COX16: variants seen among roughly 807,000 people sequenced by gnomAD.
COX16 encodes the protein cytochrome c oxidase assembly factor COX16, also known as cytochrome c oxidase assembly protein COX16 homolog, mitochondrial.
A neutral mutation model predicts 15.4 loss-of-function variants in COX16; 12 were observed. That is an observed-to-expected ratio of 0.78 (90% CI 0.50 to 1.26). The LOEUF (loss-of-function observed/expected upper bound fraction) is 1.26. Ranked by LOEUF, COX16 falls within the 50% of genes most tolerant of loss-of-function variation. The pLI, the probability that COX16 is intolerant of heterozygous loss-of-function variation, is 0.00. For synonymous variants in COX16, 46 were observed against 41.1 expected (o/e 1.12, Z -0.46); for missense variants, 124 against 127.6 (o/e 0.97, Z 0.14).
intron 2 of COX16, among the ~76,000 whole-genome samples, 188 bp from the exon 3 acceptor site, chr14:70,329,424 A>G (rs747644789): frequency 8.5e-5 from 13 of 152,120 alleles, no homozygotes; most frequent in Non-Finnish European, 1.6e-4. Context: ...TCAACTAAAA[A>G]GAGTTAATAT....
intron 1 of COX16, among the ~76,000 whole-genome samples, chr14:70,355,283 C>T (rs2140760775): frequency 6.6e-6 from 1 of 152,142 alleles, no homozygotes; most frequent in South Asian, 2.1e-4. Flanking sequence ...ATCACACTCT[C>T]CTCCTCTTCC....
chr14:70,330,330 CA>C (rs1481269777), intron 2 of COX16, among the ~76,000 whole-genome samples: 13 of 152,074 alleles, frequency 8.5e-5, no homozygotes, highest in Non-Finnish European at 1.2e-4. Flanking sequence ...GACAAAGGCA[CA>C]ATAGACAACC....
chr14:70,351,189 G>A (rs1886942903), intron 1 of COX16, among the ~76,000 whole-genome samples: 1 of 152,046 alleles, frequency 6.6e-6, no homozygotes. Flanking sequence ...TATAACCACT[G>A]TTTCCAACTT....
intron 1 of COX16, among the ~76,000 whole-genome samples, chr14:70,354,846 G>GTGTGTGTGTT (rs1358322206): frequency 6.6e-6 from 1 of 151,426 alleles, no homozygotes; most frequent in East Asian, 1.9e-4. Flanking sequence ...GTGTGCGTGT[G>GTGTGTGTGTT]TGTGTGTGTG....
At chr14:70,340,897 T>C (rs1456390877) in intron 2 of COX16, among the ~76,000 whole-genome samples, 1 of 152,208 alleles carries the variant, frequency 6.6e-6, no homozygotes, top group African/African-American at 2.4e-5. Flanking sequence ...TATACACCTC[T>C]CCTTGAACGT....
chr14:70,339,293 CTA>C (rs1414253202), intron 2 of COX16, among the ~76,000 whole-genome samples: 1 of 152,122 alleles, frequency 6.6e-6, no homozygotes, highest in African/African-American at 2.4e-5. Flanking sequence ...AGCAGATAAA[CTA>C]TTCCAAATCA....
At chr14:70,353,536 CAG>C (rs1259623826) in intron 1 of COX16, among the ~76,000 whole-genome samples, 4 of 151,330 alleles carry the variant, frequency 2.6e-5, no homozygotes, top group African/African-American at 9.7e-5. Context: ...TTGTGTGTGG[CAG>C]AGTCTTGCAT....
chr14:70,346,803 C>T (rs55728800), intron 1 of COX16, among the ~76,000 whole-genome samples: 29,277 of 151,920 alleles, frequency 0.19, 3,648 homozygotes, highest in East Asian at 0.62. Flanking sequence ...GCCACCCCTC[C>T]ACTTTTCTGC....
intron 1 of COX16, among the ~76,000 whole-genome samples, chr14:70,353,257 CAAA>C (rs200170156): frequency 7.9e-6 from 1 of 126,288 alleles, no homozygotes; most frequent in Non-Finnish European, 1.6e-5. Flanking sequence ...GAGACTCTGT[CAAA>C]AAAAAAAAAA....
In COX16 at chr14:70,349,270, C is replaced by T. The variant is rs554416415; in HGVS notation, c.70-6541G>A. 4.1e-4 allele frequency among the ~76,000 whole-genome samples: 63 copies of T among 152,316 alleles called. No individual in the cohort carries two copies. The Middle Eastern group carries it at 0.024, about 58-fold the overall frequency. ...ACCGCCTTTTCCTACCCACCAAGCCCGGGGCCAGATACCCAGGCACGATTG... is the reference window on the plus strand; with the variant it reads ...ACCGCCTTTTCCTACCCACCAAGCCTGGGGCCAGATACCCAGGCACGATTG... On this transcript the variant is annotated intron_variant, in intron 1 of 3. Transcript: ENST00000389912.
chr14:70,346,226 A>T (rs1886776837), intron 1 of COX16, among the ~76,000 whole-genome samples: 1 of 152,146 alleles, frequency 6.6e-6, no homozygotes, highest in Non-Finnish European at 1.5e-5. Flanking sequence ...CTCAAACCTC[A>T]CAAGACCGTC....
At chr14:70,345,308 G>A (rs1307322592) in intron 1 of COX16, among the ~76,000 whole-genome samples, 1 of 152,232 alleles carries the variant, frequency 6.6e-6, no homozygotes, top group Non-Finnish European at 1.5e-5. Flanking sequence ...CCAGGCACTC[G>A]CTGATCATCT....
chr14:70,328,550 G>C (rs1320107375), intron 3 of COX16, among the ~76,000 whole-genome samples: 6 of 152,166 alleles, frequency 3.9e-5, no homozygotes, highest in Admixed American at 1.3e-4. Flanking sequence ...TGGGTGAAAA[G>C]TGATACCTCG....
At chr14:70,353,956 CAGA>C (rs1191655384) in intron 1 of COX16, among the ~76,000 whole-genome samples, 1 of 151,778 alleles carries the variant, frequency 6.6e-6, no homozygotes, top group Non-Finnish European at 1.5e-5. Flanking sequence ...TTTTTCCCAT[CAGA>C]AGATTTTATC....
intron 1 of COX16, among the ~76,000 whole-genome samples, chr14:70,353,257 C>CAA (rs200170156): frequency 0.011 from 1,395 of 126,066 alleles, 18 homozygotes; most frequent in African/African-American, 0.034. Context: ...GAGACTCTGT[C>CAA]AAAAAAAAAA....
At chr14:70,352,645 CTTT>C (rs576495712) in intron 1 of COX16, among the ~76,000 whole-genome samples, 160 of 84,490 alleles carry the variant, frequency 1.9e-3, no homozygotes, top group African/African-American at 5.6e-3. Flanking sequence ...CTTTTTTTTT[CTTT>C]TTTTTTTTTT....
chr14:70,351,072 G>A (rs1886938268), intron 1 of COX16, among the ~76,000 whole-genome samples: 1 of 152,156 alleles, frequency 6.6e-6, no homozygotes, highest in Non-Finnish European at 1.5e-5. Context: ...AATGACTGAA[G>A]CCATTCTTCA....
At chr14:70,330,785 ATT>A (rs1250995914) in intron 2 of COX16, among the ~76,000 whole-genome samples, 2 of 152,206 alleles carry the variant, frequency 1.3e-5, no homozygotes, top group African/African-American at 4.8e-5. Context: ...AAACAATGCG[ATT>A]GTCAATATTT....
At chr14:70,345,194 G>T (rs1437933859) in intron 1 of COX16, among the ~76,000 whole-genome samples, 2 of 152,204 alleles carry the variant, frequency 1.3e-5, no homozygotes, top group Non-Finnish European at 2.9e-5. Context: ...TTGCTTACTG[G>T]TAAGTTTCCT....
Sources: allele counts gnomAD v4.1 joint callset (sites outside exome capture counted in the v4.1 genomes callset), GRCh38; gene constraint gnomAD v4.1.1; transcripts MANE v1.5; gene names NCBI Gene and HGNC (gene_info 2026-07-23, HGNC 2026-07-21).